The following KPNA7 variants were observed in gnomAD, a reference collection of about 807,000 sequenced individuals.
KPNA7 encodes the protein karyopherin subunit alpha 7.
KPNA7 carries 54 observed loss-of-function variants against 53.7 expected under a neutral mutation model. The observed-to-expected ratio is 1.01, with a 90% CI of 0.81 to 1.26. The LOEUF (loss-of-function observed/expected upper bound fraction) is 1.26. Among genes scored for constraint, KPNA7 ranks in the 50% most tolerant of loss-of-function variants. The pLI is 0.00. For missense variants in KPNA7, 640 were observed against 644.5 expected (o/e 0.99, Z 0.07); for synonymous variants, 276 against 259.3 (o/e 1.06, Z -0.62).
At chr7:99,172,114 C>A (rs12112986), downstream of KPNA7, among the ~76,000 whole-genome samples, 3,545 of 152,244 alleles carry the variant, frequency 0.023, 135 homozygotes, top group African/African-American at 0.079. Context: ...ATGATAAAAT[C>A]TGGACATCAA....
In KPNA7 at chr7:99,195,181, G is replaced by T; in HGVS notation, c.442C>A (p.Gln148Lys). 1 of 1,551,638 alleles carries T rather than the reference G, an allele frequency of 6.4e-7. No homozygotes were observed. Among genetic ancestry groups the T allele is most frequent in the Non-Finnish European group, 8.7e-7 (1 of 1,147,000 alleles). Reference protein sequence around the residue: ...LTNIASGTSEQTRAVVEGGAI... With the variant: ...LTNIASGTSEKTRAVVEGGAI... The stretch of plus-strand genomic sequence containing the variant: ...CCCCCTTCTACCACGGCACGAGTCT[G>T]CTCCGAAGTCCCTGAAGCGATGTTG... The change falls in exon 5 of 11, where the codon CAG becomes AAG. Residue 148 changes from glutamine to lysine, a missense_variant. Physicochemically the swap from Gln to Lys is moderately conservative, Grantham distance 53 (BLOSUM62 1). Transcript: ENST00000327442.
chr7:99,146,628 C>T, the KPNA7 span, among the ~76,000 whole-genome samples: 1 of 142,328 alleles, frequency 7.0e-6, no homozygotes, highest in East Asian at 2.2e-4. Context: ...ACAAAAATCA[C>T]TTAAACTCGG....
At position 99,195,130 on chromosome 7, in the gene KPNA7, G is replaced by A. The variant is rs1198700215; in HGVS notation, c.493C>T (p.Leu165=). The A allele has an allele frequency of 2.6e-6, 4 of 1,551,512 alleles. No individual in the cohort carries two copies. The highest frequency in any genetic ancestry group is 3.5e-6 in the Non-Finnish European group (4 of 1,147,006). The change falls in exon 5 of 11, where the codon CTG becomes TTG. Residue 165 remains leucine (L), a synonymous_variant. Transcript: ENST00000327442. ...GGAIQPLIEL[L]SSSNVAVCEQ... ...CACACAGCCACGTTGGAGGAAGACA[G>A]GAGCTCAATCAAGGGCTGGATGGCT...
the KPNA7 span, among the ~76,000 whole-genome samples, chr7:99,154,700 C>T: frequency 1.3e-5 from 2 of 150,264 alleles, no homozygotes; most frequent in East Asian, 1.9e-4. Flanking sequence ...TTTTTTTTTT[C>T]GTATTTTTAG....
At chr7:99,165,936 G>A in the KPNA7 span, among the ~76,000 whole-genome samples, 1,997 of 152,198 alleles carry the variant, frequency 0.013, 53 homozygotes, top group African/African-American at 0.047. Flanking sequence ...GATCATGGAG[G>A]CAGATTTCCC....
At chr7:99,180,061 A>C (rs1799098268) in intron 9 of KPNA7, among the ~76,000 whole-genome samples, 1 of 152,192 alleles carries the variant, frequency 6.6e-6, no homozygotes. Flanking sequence ...AGGTCACGTC[A>C]TGAAGGACAC....
chr7:99,209,558 C>G (rs1790989288), upstream of KPNA7, among the ~76,000 whole-genome samples: 1 of 151,784 alleles, frequency 6.6e-6, no homozygotes. Context: ...TGGCAGGCAC[C>G]TGTAGTCCCA....
intron 3 of KPNA7, 47 bp downstream of exon 3, chr7:99,203,059 C>T (rs1310572109): frequency 8.5e-6 from 13 of 1,537,596 alleles, no homozygotes; most frequent in Non-Finnish European, 1.1e-5. Context: ...GAGACACTTG[C>T]TAAGAACATA....
chr7:99,195,826 G>GTTGAT (rs1790201990), intron 4 of KPNA7, among the ~76,000 whole-genome samples: 1 of 152,196 alleles, frequency 6.6e-6, no homozygotes, highest in Non-Finnish European at 1.5e-5. Flanking sequence ...CCTTTAAGGT[G>GTTGAT]TTATCTACAA....
chr7:99,146,577 T>C, the KPNA7 span, among the ~76,000 whole-genome samples: 1 of 151,808 alleles, frequency 6.6e-6, no homozygotes, highest in Admixed American at 6.6e-5. Context: ...CTGGGTGTGG[T>C]GGTGTGCACC....
At chr7:99,152,863 A>C in the KPNA7 span, among the ~76,000 whole-genome samples, 14 of 152,310 alleles carry the variant, frequency 9.2e-5, no homozygotes, top group South Asian at 2.7e-3. Context: ...TTAATAAGTG[A>C]GAGTCCTCAG....
At chr7:99,184,869 G>T in intron 8 of KPNA7, 60 bp downstream of exon 8, 2 of 1,400,832 alleles carry the variant, frequency 1.4e-6, no homozygotes, top group Non-Finnish European at 2.0e-6. Context: ...TCCTGAAGGA[G>T]TTCAACCCAG....
Position 99,214,636 on chromosome 7 carries a change from G to GAGGGGAGGGGAGGGGAGGGGAGGTAGGGA in KPNA7, c.-23-7148_-23-7147insTCCCTACCTCCCCTCCCCTCCCCTCCCCT. 5.1e-4 allele frequency among the ~76,000 whole-genome samples: 2 copies of GAGGGGAGGGGAGGGGAGGGGAGGTAGGGA among 3,936 alleles called. 1 individual carries two copies. The highest frequency in any genetic ancestry group is 6.5e-3 in the Non-Finnish European group (2 of 308). 2.6% of individuals were successfully genotyped at this position (3,936 alleles called of 152,430 possible). ...AAGAGAGACCCTGTTTCAAAGGAAA[G>GAGGGGAGGGGAGGGGAGGGGAGGTAGGGA]AGGGGAGGGGAGGTAGGGAAGGGGA... On this transcript the variant is annotated intron_variant, in intron 1 of 10. Transcript: ENST00000681060.
chr7:99,187,798 T>TAAAAAA (rs1789685105), intron 7 of KPNA7, among the ~76,000 whole-genome samples: 2 of 2,882 alleles, frequency 6.9e-4, no homozygotes, highest in African/African-American at 1.1e-3. Context: ...GCCTTTTTTT[T>TAAAAAA]TAAAAAAAAA....
downstream of KPNA7, among the ~76,000 whole-genome samples, chr7:99,169,545 G>A (rs193137451): frequency 8.2e-4 from 124 of 151,458 alleles, no homozygotes; most frequent in Non-Finnish European, 1.4e-3. Context: ...TTGAACCTGG[G>A]AATGGAGGTT....
chr7:99,188,648 A>AC, intron 6 of KPNA7, 85 bp from the exon 7 acceptor site: 1 of 1,319,804 alleles, frequency 7.6e-7, no homozygotes, highest in African/African-American at 1.5e-5. Flanking sequence ...TCCAATCAAT[A>AC]CCATAGATCA....
At chr7:99,173,485 A>AC, downstream of KPNA7, 1 of 402,434 alleles carries the variant, frequency 2.5e-6, no homozygotes, top group East Asian at 5.0e-5. Flanking sequence ...GAGCCACCAC[A>AC]CCCAGCCTAA....
the KPNA7 span, among the ~76,000 whole-genome samples, chr7:99,152,747 G>A: frequency 1.3e-5 from 2 of 152,086 alleles, no homozygotes; most frequent in East Asian, 1.9e-4. Context: ...TTTTCATCTC[G>A]GGTTGTCAAT....
intron 7 of KPNA7, among the ~76,000 whole-genome samples, chr7:99,188,069 G>A (rs1308717442): frequency 6.6e-6 from 1 of 150,890 alleles, no homozygotes; most frequent in African/African-American, 2.4e-5. Flanking sequence ...CAGCTACCCA[G>A]GAGGCTGAGA....
Sources: gnomAD v4.1 joint callset for allele counts (sites outside exome capture counted in the v4.1 genomes callset) on GRCh38, gnomAD v4.1.1 for gene constraint, MANE v1.5 for transcripts, NCBI Gene and HGNC (gene_info 2026-07-23, HGNC 2026-07-21) for gene names.